Variants in PRKCZ observed in about 807,000 individuals in gnomAD.
PRKCZ encodes the protein protein kinase C zeta, also known as protein kinase C zeta type.
A neutral mutation model predicts 79.5 loss-of-function variants in PRKCZ; 33 were observed. That is an observed-to-expected ratio of 0.41 (90% CI 0.31 to 0.55). The LOEUF is 0.55. Among genes scored for constraint, PRKCZ ranks in the 20% least tolerant of loss-of-function variants. PRKCZ has a pLI of 0.19. For synonymous variants in PRKCZ, 342 were observed against 320.9 expected (o/e 1.07, Z -0.70); for missense variants, 578 against 813.5 (o/e 0.71, Z 3.52).
chr1:2,134,200 G>T (rs1557649175), intron 4 of PRKCZ, among the ~76,000 whole-genome samples: 1 of 152,236 alleles, frequency 6.6e-6, no homozygotes, highest in Non-Finnish European at 1.5e-5. Flanking sequence ...GAGGACCCCT[G>T]ACTTCTTGGT....
At chr1:2,179,867 G>A (rs773078684) in intron 16 of PRKCZ, among the ~76,000 whole-genome samples, 7 of 152,106 alleles carry the variant, frequency 4.6e-5, no homozygotes, top group Non-Finnish European at 8.8e-5. Context: ...ACCCAGCCAC[G>A]TTGTGTGCTG....
At chr1:2,175,409 C>T in intron 16 of PRKCZ, 96 bp downstream of exon 16, 2 of 901,998 alleles carry the variant, frequency 2.2e-6, no homozygotes, top group South Asian at 1.6e-5. Flanking sequence ...ATTCACCCAA[C>T]CCCCACCCCA....
rs1300530012 is a variant in PRKCZ, at chr1:2,083,162, T to C, written c.334+23571T>C. 2.0e-5 allele frequency among the ~76,000 whole-genome samples: 3 copies of C among 152,270 alleles called. No individual in the cohort carries two copies. In the East Asian group the frequency reaches 5.8e-4, roughly 29 times the overall value. ...TCGGTTCACTGGGTGGAGCATGCTC[T>C]GAGCCCCTGGAGGTACAGGGATTTT... On this transcript the variant is annotated intron_variant, in intron 4 of 17. Coordinates refer to ENST00000378567, the MANE Select transcript of PRKCZ (RefSeq NM_002744.6).
chr1:2,065,475 G>A lies in PRKCZ; in HGVS notation c.334+5884G>A, dbSNP rs180769868. On this transcript the variant is annotated intron_variant, in intron 4 of 17. Coordinates refer to ENST00000378567, the MANE Select transcript of PRKCZ (RefSeq NM_002744.6). ...GGGTGGATCACGAGGTCAGGAGATC[G>A]AGATCGTCCTGGTTAACACAGTGAA... 4.2e-3 allele frequency among the ~76,000 whole-genome samples: 637 copies of A among 152,166 alleles called. 3 individuals are homozygous for A. The highest frequency in any genetic ancestry group is 8.1e-3 in the Non-Finnish European group (552 of 67,998).
At chr1:2,154,190 C>T (rs572471236) in intron 9 of PRKCZ, among the ~76,000 whole-genome samples, 53 of 152,184 alleles carry the variant, frequency 3.5e-4, no homozygotes, top group Non-Finnish European at 7.1e-4. Context: ...TCTTCAGCCA[C>T]TGGAGATGGG....
intron 4 of PRKCZ, among the ~76,000 whole-genome samples, chr1:2,102,314 GTT>G (rs113018085): frequency 0.085 from 12,214 of 143,784 alleles, 1,688 homozygotes; most frequent in African/African-American, 0.3. Flanking sequence ...TTTTTATTGC[GTT>G]TTTTTTTTTG....
chr1:2,104,733 CAGACAGGCA>C (rs1668076863), intron 4 of PRKCZ: 1 of 985,672 alleles, frequency 1.0e-6, no homozygotes, highest in African/African-American at 1.7e-5. Context: ...CGCTCGGTGC[CAGACAGGCA>C]GGACGCAGCG....
chr1:2,180,984 C>T (rs1253172379), intron 16 of PRKCZ, among the ~76,000 whole-genome samples: 2 of 152,198 alleles, frequency 1.3e-5, no homozygotes, highest in Non-Finnish European at 1.5e-5. Flanking sequence ...TCCCCTTGGA[C>T]GCCTCCAGGC....
intron 1 of PRKCZ, 56 bp downstream of exon 1, chr1:2,050,757 G>C: frequency 1.1e-5 from 7 of 641,330 alleles, no homozygotes; most frequent in Non-Finnish European, 1.5e-5. Flanking sequence ...GGCGGGGAGG[G>C]CTCAGCCGTC....
At chr1:2,153,030 G>C (rs1557690688) in intron 9 of PRKCZ, among the ~76,000 whole-genome samples, 1 of 152,220 alleles carries the variant, frequency 6.6e-6, no homozygotes, top group Non-Finnish European at 1.5e-5. Context: ...TCACATGGTA[G>C]TTCTCTGTTC....
intron 5 of PRKCZ, among the ~76,000 whole-genome samples, chr1:2,136,144 C>T (rs887066629): frequency 2.0e-5 from 3 of 152,206 alleles, no homozygotes; most frequent in African/African-American, 4.8e-5. Context: ...GCTGGGTGTA[C>T]GGCACCTCTG....
intron 4 of PRKCZ, among the ~76,000 whole-genome samples, chr1:2,130,192 C>T (rs751387243): frequency 5.9e-5 from 9 of 152,218 alleles, no homozygotes; most frequent in Non-Finnish European, 1.3e-4. Flanking sequence ...AAGCATGAGC[C>T]GCCACGCCTG....
At chr1:2,126,919 G>T (rs564618148) in intron 4 of PRKCZ, among the ~76,000 whole-genome samples, 27 of 152,248 alleles carry the variant, frequency 1.8e-4, no homozygotes, top group Non-Finnish European at 5.9e-5. Context: ...GTGCTGCGCC[G>T]TGTGGCCCGG....
chr1:2,097,293 T>G lies in PRKCZ; in HGVS notation c.334+37702T>G, dbSNP rs138248093. Among the ~76,000 whole-genome samples, 598 of 152,248 alleles carry G rather than the reference T, an allele frequency of 3.9e-3. 3 individuals are homozygous for G. Among genetic ancestry groups the G allele is most frequent in the Middle Eastern group, 0.031 (9 of 294 alleles). On this transcript the variant is annotated intron_variant, in intron 4 of 17. Transcript: ENST00000378567. ...CCTGGGAAGGCCCGGGTCGTCGTCATATTCCGAGTGTGACCAAGAGTTCAG... is the reference window on the plus strand; with the variant it reads ...CCTGGGAAGGCCCGGGTCGTCGTCAGATTCCGAGTGTGACCAAGAGTTCAG...
rs577093954 is a variant in PRKCZ at position 2,172,706 on chromosome 1, G to A, written c.1285+318G>A. 1.4e-4 allele frequency among the ~76,000 whole-genome samples: 22 copies of A among 152,286 alleles called. No individual in the cohort carries two copies. The highest frequency in any genetic ancestry group is 3.1e-4 in the Non-Finnish European group (21 of 68,004). The stretch of plus-strand genomic sequence containing the variant: ...CAGCACCTGAGTCCCCGTGCTGCAC[G>A]AGTGGCTGGGGGAGAAGCTGTTGTC... On this transcript the variant is annotated intron_variant, in intron 13 of 17. Coordinates refer to ENST00000378567, the MANE Select transcript of PRKCZ (RefSeq NM_002744.6). This position sits in a 1 kb window ranked among gnomAD's most constrained non-coding sequence, Gnocchi z 7.8.
intron 4 of PRKCZ, among the ~76,000 whole-genome samples, chr1:2,133,351 G>C (rs1041830941): frequency 6.7e-6 from 1 of 150,202 alleles, no homozygotes; most frequent in Non-Finnish European, 1.5e-5. Flanking sequence ...TTGCTCGTCG[G>C]TTCCCTCGGC....
intron 4 of PRKCZ, among the ~76,000 whole-genome samples, chr1:2,070,815 G>A (rs1268591944): frequency 6.6e-6 from 1 of 151,828 alleles, no homozygotes; most frequent in Non-Finnish European, 1.5e-5. Flanking sequence ...GCGGGGGCCG[G>A]GGTGGGCCAG....
In PRKCZ at chr1:2,173,898, G is replaced by A; in HGVS notation, c.1287G>A (p.Gly429=). Residue 429 remains glycine (G), a splice_region_variant and synonymous_variant, in exon 14 of 18, where the codon GGG becomes GGA. Coordinates refer to ENST00000378567, the MANE Select transcript of PRKCZ (RefSeq NM_002744.6). This position sits in a 1 kb window ranked among gnomAD's most constrained non-coding sequence, Gnocchi z 5.7. ...APEILRGEEY[G]FSVDWWALGV... is the part of the protein sequence containing the mutation. ...TGATGGCTGTGTGCTCTCCCCCAGG[G>A]TTCAGCGTGGACTGGTGGGCGCTGG... 2 of 1,607,104 alleles carry A rather than the reference G, an allele frequency of 1.2e-6. No individual in the cohort carries two copies. The highest frequency in any genetic ancestry group is 1.7e-6 in the Non-Finnish European group (2 of 1,175,970).
At chr1:2,051,977 C>T (rs922963367) in intron 1 of PRKCZ, among the ~76,000 whole-genome samples, 1 of 152,166 alleles carries the variant, frequency 6.6e-6, no homozygotes, top group Non-Finnish European at 1.5e-5. Context: ...CCGTCCAGCC[C>T]TACCTGAAGA....
Sources: allele counts gnomAD v4.1 joint callset (sites outside exome capture counted in the v4.1 genomes callset), GRCh38; gene constraint gnomAD v4.1.1; non-coding constraint Gnocchi (gnomAD v3.1); transcripts MANE v1.5; gene names NCBI Gene and HGNC (gene_info 2026-07-23, HGNC 2026-07-21).